OPHN1: variants seen among roughly 807,000 people sequenced by gnomAD.
The protein encoded by OPHN1 is oligophrenin-1.
In OPHN1, 11 loss-of-function variants were observed where a neutral mutation model predicts 60.7. That is an observed-to-expected ratio of 0.18 (90% CI 0.11 to 0.30). The LOEUF is 0.30. OPHN1 is among the 10% of genes least tolerant of loss of function. The probability of loss-of-function intolerance (pLI) is 1.00; values close to 1 mark genes in which losing one functional copy is unlikely to be tolerated. For missense variants in OPHN1, 449 were observed against 611.0 expected (o/e 0.73, Z 2.80); for synonymous variants, 226 against 222.6 (o/e 1.02, Z -0.14).
chrX:68,416,432 C>T (rs2078799534), intron 2 of OPHN1, among the ~76,000 whole-genome samples: 1 of 110,895 alleles, frequency 9.0e-6, no homozygotes, highest in Non-Finnish European at 1.9e-5. Flanking sequence ...GAGTTCGTGA[C>T]CAAATACACA....
chrX:68,134,840 G>A (rs765270409), intron 15 of OPHN1, among the ~76,000 whole-genome samples: 48 of 111,032 alleles, frequency 4.3e-4, no homozygotes, highest in African/African-American at 1.4e-3. Flanking sequence ...CCGCCTGCCC[G>A]AAGTCACATT....
chrX:68,393,737 A>G (rs1379988686), intron 2 of OPHN1, among the ~76,000 whole-genome samples: 2 of 109,499 alleles, frequency 1.8e-5, no homozygotes, highest in African/African-American at 6.6e-5. Context: ...TAATTTTTAC[A>G]TACTCCCTTT....
intron 21 of OPHN1, among the ~76,000 whole-genome samples, chrX:68,054,491 G>T (rs143229279): frequency 9.7e-4 from 107 of 110,170 alleles, no homozygotes; most frequent in African/African-American, 3.4e-3. Context: ...CATATGAGAC[G>T]GTTCATACTC....
intron 2 of OPHN1, among the ~76,000 whole-genome samples, chrX:68,425,417 A>C (rs1357130745): frequency 8.9e-6 from 1 of 112,332 alleles, no homozygotes; most frequent in Non-Finnish European, 1.9e-5. Flanking sequence ...AAAGAACCGT[A>C]AATATTATTG....
intron 15 of OPHN1, among the ~76,000 whole-genome samples, chrX:68,174,929 C>T (rs1201097053): frequency 1.8e-5 from 2 of 109,770 alleles, no homozygotes; most frequent in African/African-American, 6.6e-5. Flanking sequence ...ACTAAAAATA[C>T]AAAAATTAGC....
intron 15 of OPHN1, among the ~76,000 whole-genome samples, chrX:68,153,062 C>A (rs1346310033): frequency 1.9e-5 from 2 of 108,018 alleles, no homozygotes; most frequent in Admixed American, 9.9e-5. Context: ...AATACAAAAA[C>A]CAGCTGGGTG....
At chrX:68,084,331 G>A (rs56144759) in intron 19 of OPHN1, among the ~76,000 whole-genome samples, 2 of 76,767 alleles carry the variant, frequency 2.6e-5, no homozygotes, top group South Asian at 1.2e-3. Flanking sequence ...AGGTGGGGAG[G>A]GGGGAGGGAG....
intron 2 of OPHN1, among the ~76,000 whole-genome samples, chrX:68,316,978 T>A (rs1311549804): frequency 9.0e-6 from 1 of 111,085 alleles, no homozygotes; most frequent in African/African-American, 3.3e-5. Flanking sequence ...CAGGGAATAT[T>A]CTGTGGTCAG....
At chrX:68,150,603 G>A (rs1274961820) in intron 15 of OPHN1, among the ~76,000 whole-genome samples, 1 of 111,944 alleles carries the variant, frequency 8.9e-6, no homozygotes, top group Non-Finnish European at 1.9e-5. Context: ...ATAGACAGAT[G>A]AGTACACTTG....
intron 3 of OPHN1, among the ~76,000 whole-genome samples, chrX:68,285,331 T>A (rs1024141755): frequency 8.9e-6 from 1 of 112,104 alleles, no homozygotes; most frequent in African/African-American, 3.2e-5. Flanking sequence ...TTGATATCTT[T>A]GTTCTTTTTT....
At position 68,068,363 on chromosome X, in the gene OPHN1, C is replaced by T. The variant is rs762129483; in HGVS notation, c.1835-4186G>A. On this transcript the variant is annotated intron_variant, in intron 20 of 24. Transcript: ENST00000355520. Reference sequence around the variant, plus strand: ...GTATGCACCTGTAATCCCAGCTACTCGGGAGGCTGAGGCAGGAGAATCACA... The same window carrying T: ...GTATGCACCTGTAATCCCAGCTACTTGGGAGGCTGAGGCAGGAGAATCACA... 7.8e-5 allele frequency among the ~76,000 whole-genome samples: 8 copies of T among 102,956 alleles called. No individual in the cohort carries two copies. The East Asian group carries it at 9.6e-4, about 12-fold the overall frequency. The allele number at this position is 102,956 out of a possible 115,157, so 89.4% of individuals were successfully genotyped here.
chrX:68,081,717 AGG>A (rs2076975221), intron 19 of OPHN1, among the ~76,000 whole-genome samples: 1 of 111,456 alleles, frequency 9.0e-6, no homozygotes, highest in South Asian at 3.8e-4. Flanking sequence ...TTGCTGGTGG[AGG>A]GTCTTGCTTC....
intron 5 of OPHN1, among the ~76,000 whole-genome samples, chrX:68,272,129 T>C (rs941286509): frequency 1.8e-5 from 2 of 111,320 alleles, no homozygotes; most frequent in African/African-American, 6.5e-5. Context: ...AGGCTTGGAA[T>C]TGATTGGCAA....
intron 2 of OPHN1, among the ~76,000 whole-genome samples, chrX:68,375,807 A>C (rs910123335): frequency 1.8e-5 from 2 of 110,780 alleles, no homozygotes; most frequent in African/African-American, 6.6e-5. Flanking sequence ...ATAATTCTCA[A>C]AACAACCCTA....
intron 2 of OPHN1, among the ~76,000 whole-genome samples, chrX:68,349,602 T>C (rs1405189605): frequency 8.9e-6 from 1 of 111,792 alleles, no homozygotes; most frequent in African/African-American, 3.3e-5. Flanking sequence ...TAAAGACACA[T>C]GCACACGTAT....
At chrX:68,389,212 C>T (rs1238950443) in intron 2 of OPHN1, among the ~76,000 whole-genome samples, 1 of 108,296 alleles carries the variant, frequency 9.2e-6, no homozygotes, top group Non-Finnish European at 1.9e-5. Flanking sequence ...TCACCTCAGC[C>T]TCCCAAAGTG....
intron 15 of OPHN1, among the ~76,000 whole-genome samples, chrX:68,148,721 T>C (rs944594285): frequency 5.4e-5 from 6 of 111,326 alleles, no homozygotes; most frequent in African/African-American, 1.6e-4. Flanking sequence ...ACATCAATGA[T>C]AATAAAAATC....
At chrX:68,150,799 G>C (rs763965) in intron 15 of OPHN1, among the ~76,000 whole-genome samples, 7,792 of 111,453 alleles carry the variant, frequency 0.07, 678 homozygotes, top group African/African-American at 0.24. Context: ...AGAAAAATTT[G>C]TACGGAAGAG....
intron 4 of OPHN1, among the ~76,000 whole-genome samples, chrX:68,281,051 A>G (rs2078017300): frequency 8.9e-6 from 1 of 112,037 alleles, no homozygotes; most frequent in African/African-American, 3.2e-5. Context: ...CAAAATCAAA[A>G]AGATATCTCT....
Sources: allele counts gnomAD v4.1 joint callset (sites outside exome capture counted in the v4.1 genomes callset), GRCh38; gene constraint gnomAD v4.1.1; transcripts MANE v1.5; gene names NCBI Gene and HGNC (gene_info 2026-07-23, HGNC 2026-07-21).